Variants in PCDH15 observed in about 807,000 individuals in gnomAD.
PCDH15 encodes the protein protocadherin-15.
PCDH15 carries 129 observed loss-of-function variants against 178.5 expected under a neutral mutation model. That is an observed-to-expected ratio of 0.72 (90% CI 0.63 to 0.84). The LOEUF is 0.84. Among genes scored for constraint, PCDH15 ranks in the 40% least tolerant of loss-of-function variants. The pLI, the probability that PCDH15 is intolerant of heterozygous loss-of-function variation, is 0.00. For synonymous variants in PCDH15, 800 were observed against 732.0 expected, an observed-to-expected ratio of 1.09 and a Z score of -1.50; for missense variants, 2,230 against 2,099.9, an observed-to-expected ratio of 1.06 and a Z score of -1.21.
At chr10:54,172,130 G>A (rs1244260833) in intron 13 of PCDH15, among the ~76,000 whole-genome samples, 1 of 152,120 alleles carries the variant, frequency 6.6e-6, no homozygotes, top group Non-Finnish European at 1.5e-5. Flanking sequence ...ATGGCCTGAA[G>A]TAACTGAAGA....
intron 20 of PCDH15, among the ~76,000 whole-genome samples, chr10:54,002,114 T>TA (rs1220357257): frequency 1.3e-5 from 2 of 150,950 alleles, no homozygotes; most frequent in African/African-American, 4.9e-5. Context: ...CATACATATG[T>TA]ATTCAGTGTG....
chr10:54,709,694 G>A lies in PCDH15; in HGVS notation c.-28-45404C>T, dbSNP rs547885618. Among the ~76,000 whole-genome samples the A allele has an allele frequency of 3.0e-3, 357 of 120,818 alleles. 1 individual carries two copies. The highest frequency in any genetic ancestry group is 9.6e-3 in the African/African-American group (329 of 34,094). The allele number at this position is 120,818 out of a possible 152,430, so 79.3% of individuals were successfully genotyped here. A position where few individuals can be genotyped will look rare whatever the true frequency, so the allele number is the denominator to read the frequency against. On this transcript the variant is annotated intron_variant, in intron 1 of 37. Transcript: ENST00000644397. Reference sequence around the variant, plus strand: ...TTATGGGAGTAATGTGTGTGTGTGTGTATATATATATTATTTATGCAGGAC... The same window carrying A: ...TTATGGGAGTAATGTGTGTGTGTGTATATATATATATTATTTATGCAGGAC...
At chr10:54,079,569 G>T in intron 16 of PCDH15, 145 bp from the exon 17 acceptor site, 1 of 781,612 alleles carries the variant, frequency 1.3e-6, no homozygotes, top group East Asian at 2.5e-5. Context: ...ATAATACTAA[G>T]ATTCATTCTG....
intron 2 of PCDH15, chr10:54,655,535 T>A (rs935806694): frequency 1.3e-5 from 2 of 151,874 alleles, no homozygotes; most frequent in Admixed American, 6.6e-5. Flanking sequence ...GTACCTTTTT[T>A]CTTCTCTCTC....
intron 3 of PCDH15, among the ~76,000 whole-genome samples, chr10:54,821,157 C>T (rs974400503): frequency 3.9e-5 from 6 of 151,924 alleles, no homozygotes; most frequent in Non-Finnish European, 8.8e-5. Flanking sequence ...ATGACACATA[C>T]GTCTTTTTCA....
chr10:55,313,735 C>T (rs1162775207), intron 1 of PCDH15, among the ~76,000 whole-genome samples: 1 of 152,058 alleles, frequency 6.6e-6, no homozygotes, highest in African/African-American at 2.4e-5. Flanking sequence ...CTTCTATTTA[C>T]CTGGGAAAGT....
At chr10:55,100,700 C>A (rs1486665434) in intron 2 of PCDH15, among the ~76,000 whole-genome samples, 1 of 152,120 alleles carries the variant, frequency 6.6e-6, no homozygotes, top group Non-Finnish European at 1.5e-5. Context: ...TGCATCCCCA[C>A]TACTGCCTTA....
At chr10:54,963,332 T>C (rs1345753066) in intron 2 of PCDH15, among the ~76,000 whole-genome samples, 1 of 71,534 alleles carries the variant, frequency 1.4e-5, no homozygotes, top group Non-Finnish European at 2.6e-5. Context: ...TGACATAAAA[T>C]GTGTTTTTTT....
chr10:54,073,460 A>T (rs998372249), intron 17 of PCDH15, among the ~76,000 whole-genome samples: 3 of 152,130 alleles, frequency 2.0e-5, no homozygotes, highest in African/African-American at 7.2e-5. Context: ...GCTTTTGTTA[A>T]AGTTTCCTAT....
At chr10:55,242,881 A>G (rs1319903446) in intron 1 of PCDH15, among the ~76,000 whole-genome samples, 1 of 152,184 alleles carries the variant, frequency 6.6e-6, no homozygotes, top group Admixed American at 6.5e-5. Context: ...ACACACTGTT[A>G]GTAATTAAGT....
chr10:55,116,771 C>T (rs1837637998), intron 2 of PCDH15, among the ~76,000 whole-genome samples: 1 of 152,126 alleles, frequency 6.6e-6, no homozygotes, highest in Non-Finnish European at 1.5e-5. Context: ...CATTCTCTGA[C>T]CTTCTCCATC....
intron 2 of PCDH15, among the ~76,000 whole-genome samples, chr10:55,541,985 A>G (rs1402899141): frequency 6.6e-6 from 1 of 151,798 alleles, no homozygotes; most frequent in Non-Finnish European, 1.5e-5. Flanking sequence ...AGAAGAATAC[A>G]ATATATAAAC....
At chr10:54,337,638 CT>C (rs1056712571) in intron 6 of PCDH15, among the ~76,000 whole-genome samples, 1 of 152,132 alleles carries the variant, frequency 6.6e-6, no homozygotes, top group African/African-American at 2.4e-5. Flanking sequence ...CTTTTGCCCC[CT>C]ATGCCATCCC....
intron 2 of PCDH15, among the ~76,000 whole-genome samples, chr10:54,582,953 G>A (rs181967271): frequency 2.4e-3 from 360 of 152,066 alleles, no homozygotes; most frequent in African/African-American, 8.1e-3. Context: ...CCTTTATTTA[G>A]CATATTAATA....
At chr10:55,624,656 G>T (rs1398143473) in intron 2 of PCDH15, among the ~76,000 whole-genome samples, 1 of 152,110 alleles carries the variant, frequency 6.6e-6, no homozygotes, top group African/African-American at 2.4e-5. Context: ...TAGTACAAAA[G>T]GGGGAAATTA....
intron 2 of PCDH15, among the ~76,000 whole-genome samples, chr10:54,549,220 T>TAC (rs4007220): frequency 0.29 from 44,005 of 150,258 alleles, 6,550 homozygotes; most frequent in East Asian, 0.33. Context: ...CTCTTTTCTT[T>TAC]ACACACACAC....
At chr10:54,437,878 CTTTT>C (rs946784080) in intron 3 of PCDH15, among the ~76,000 whole-genome samples, 1 of 152,098 alleles carries the variant, frequency 6.6e-6, no homozygotes, top group African/African-American at 2.4e-5. Context: ...TGAAGAAATA[CTTTT>C]TTTGTTCCCT....
intron 2 of PCDH15, among the ~76,000 whole-genome samples, chr10:54,592,695 T>G (rs1456596415): frequency 1.3e-5 from 2 of 152,194 alleles, no homozygotes; most frequent in African/African-American, 2.4e-5. Context: ...TTATTTCCTT[T>G]GAATAAAGAC....
At chr10:55,570,707 C>T (rs1306699934) in intron 2 of PCDH15, among the ~76,000 whole-genome samples, 1 of 151,978 alleles carries the variant, frequency 6.6e-6, no homozygotes, top group Non-Finnish European at 1.5e-5. Flanking sequence ...AGATATTTAT[C>T]ATATCTTTGC....
Sources: allele counts gnomAD v4.1 joint callset (sites outside exome capture counted in the v4.1 genomes callset), GRCh38; gene constraint gnomAD v4.1.1; transcripts MANE v1.5; gene names NCBI Gene and HGNC (gene_info 2026-07-23, HGNC 2026-07-21).